Variants in CEP290 observed in about 807,000 individuals in gnomAD.
CEP290 encodes the protein centrosomal protein of 290 kDa.
CEP290 carries 317 observed loss-of-function variants against 344.9 expected under a neutral mutation model. The observed-to-expected ratio is 0.92, with a 90% CI of 0.84 to 1.01. The LOEUF (loss-of-function observed/expected upper bound fraction) is 1.01. Among genes scored for constraint, CEP290 ranks in the 50% least tolerant of loss-of-function variants. The pLI is 0.00. For missense variants in CEP290, 2,754 were observed against 2,761.4 expected, an observed-to-expected ratio of 1.00 and a Z score of 0.06; for synonymous variants, 932 against 895.8, an observed-to-expected ratio of 1.04 and a Z score of -0.72.
At chr12:88,107,817 A>G (rs956221089) in intron 23 of CEP290, among the ~76,000 whole-genome samples, 7 of 151,720 alleles carry the variant, frequency 4.6e-5, no homozygotes, top group African/African-American at 1.7e-4. Flanking sequence ...CAAGAAAATA[A>G]CTTGGACCCA....
intron 27 of CEP290, among the ~76,000 whole-genome samples, chr12:88,096,330 G>C (rs1347063327): frequency 6.6e-6 from 1 of 152,016 alleles, no homozygotes; most frequent in African/African-American, 2.4e-5. Context: ...TTACAGGTGT[G>C]AGCCACTGCG....
In CEP290 at chr12:88,083,242, G is replaced by A. The variant is rs746872429; in HGVS notation, c.4813-12C>T. On this transcript the variant is annotated splice_polypyrimidine_tract_variant and intron_variant, in intron 36 of 53. Transcript: ENST00000552810. ...TGTTTCATTAAATCCTATAAAATATGAATATATTAGCAATAGGCATGTATA... is the reference window on the plus strand; with the variant it reads ...TGTTTCATTAAATCCTATAAAATATAAATATATTAGCAATAGGCATGTATA... The A allele has an allele frequency of 4.3e-6, 6 of 1,392,158 alleles. No homozygotes were observed. Among genetic ancestry groups the A allele is most frequent in the South Asian group, 1.6e-5 (1 of 61,376 alleles). The allele number at this position is 1,392,158 out of a possible 1,614,324, so 86.2% of individuals were successfully genotyped here.
rs144023799 is a variant in CEP290, at chr12:88,064,238, C to T, written c.6136-123G>A. The T allele has an allele frequency of 9.3e-4, 739 of 793,904 alleles. 4 individuals are homozygous for T. The African/African-American group carries it at 0.011, about 12-fold the overall frequency. The allele number at this position is 793,904 out of a possible 1,614,324, so 49.2% of individuals were successfully genotyped here. On this transcript the variant is annotated intron_variant, in intron 44 of 53. Coordinates refer to ENST00000552810, the MANE Select transcript of CEP290 (RefSeq NM_025114.4). ...TTTCCTCAAAGGAATATGAGAAAAT[C>T]GGAGTGTTCTGGTGAAAGCCAAAAA... is the stretch of plus-strand genomic sequence containing the variant.
chr12:88,049,353 A>G lies in CEP290; in HGVS notation c.7271T>C (p.Ile2424Thr), dbSNP rs776986318. The change falls in exon 54 of 54, where the codon ATT (isoleucine) becomes ACT (threonine). Residue 2424 changes from isoleucine to threonine, a missense_variant. Physicochemically the swap from Ile to Thr is moderately conservative, Grantham distance 89 (BLOSUM62 -1). Transcript: ENST00000552810. Reference sequence around the variant, plus strand: ...CTTGTAATTATACTTAAGATCTTCAATTTCTTCAAAAAATGAAGGATCAAA... The same window carrying G: ...CTTGTAATTATACTTAAGATCTTCAGTTTCTTCAAAAAATGAAGGATCAAA... ...ENFDPSFFEE[I>T]EDLKYNYKEE... is the part of the protein sequence containing the mutation. 2 of 1,572,880 alleles carry G rather than the reference A, an allele frequency of 1.3e-6. No individual in the cohort carries two copies. The highest frequency in any genetic ancestry group is 1.2e-5 in the South Asian group (1 of 85,274).
chr12:88,079,009 C>T (rs1264784758), intron 39 of CEP290, 83 bp downstream of exon 39: 1 of 1,253,250 alleles, frequency 8.0e-7, no homozygotes, highest in Non-Finnish European at 1.1e-6. Context: ...TATTCATCAA[C>T]AAAATTACTA....
In CEP290 at chr12:88,102,950, G is replaced by A; in HGVS notation, c.2879C>T (p.Ser960Phe). Reference sequence around the variant, plus strand: ...CTGTTTATTAGCCAGTTCTAGTTCAGACAAAGAAACACTATTATCTACAAC... The same window carrying A: ...CTGTTTATTAGCCAGTTCTAGTTCAAACAAAGAAACACTATTATCTACAAC... ...QKVVDNSVSL[S>F]ELELANKQYN... is the part of the protein sequence containing the mutation. Residue 960 changes from serine (S) to phenylalanine (F), a missense_variant, in exon 26 of 54, where the codon TCT becomes TTT. Physicochemically the swap from Ser to Phe is radical, Grantham distance 155 (BLOSUM62 -2). Coordinates refer to ENST00000552810, the MANE Select transcript of CEP290 (RefSeq NM_025114.4). 1 of 1,596,724 alleles carries A rather than the reference G, an allele frequency of 6.3e-7. No homozygotes were observed.
intron 11 of CEP290, among the ~76,000 whole-genome samples, chr12:88,127,875 A>G (rs1280109789): frequency 6.6e-6 from 1 of 152,208 alleles, no homozygotes; most frequent in Non-Finnish European, 1.5e-5. Flanking sequence ...AGCCTTTAAA[A>G]AGAACAGCAA....
chr12:88,073,114 T>C (rs2035506616), intron 41 of CEP290, among the ~76,000 whole-genome samples: 1 of 152,198 alleles, frequency 6.6e-6, no homozygotes, highest in Admixed American at 6.5e-5. Flanking sequence ...CTGCTTACAC[T>C]GGTCTGAGCT....
chr12:88,061,484 A>G (rs1025378728), intron 46 of CEP290, among the ~76,000 whole-genome samples: 1 of 152,228 alleles, frequency 6.6e-6, no homozygotes, highest in Non-Finnish European at 1.5e-5. Context: ...GTTATCTGAA[A>G]TAAAAAACCT....
intron 27 of CEP290, among the ~76,000 whole-genome samples, chr12:88,095,034 A>G (rs1489435065): frequency 6.6e-6 from 1 of 152,186 alleles, no homozygotes; most frequent in Non-Finnish European, 1.5e-5. Context: ...TCAAGTAACT[A>G]ACAATAATGG....
chr12:88,106,844 C>T lies in CEP290; in HGVS notation c.2648G>A (p.Ser883Asn). ...DEMKKILAEN[S>N]RKITVLQVNE... The stretch of plus-strand genomic sequence containing the variant: ...CACTTGCAAAACAGTAATTTTCCTA[C>T]TATTTTCTGCAAGTATTTTTTTCAT... Residue 883 changes from serine to asparagine, a missense_variant, in exon 25 of 54, where the codon AGT becomes AAT. Ser to Asn is a conservative substitution (Grantham distance 46). Coordinates refer to ENST00000552810, the MANE Select transcript of CEP290 (RefSeq NM_025114.4). 6.2e-7 allele frequency: 1 copy of T among 1,607,968 alleles called. No homozygotes were observed. Among genetic ancestry groups the T allele is most frequent in the Non-Finnish European group, 8.5e-7 (1 of 1,176,834 alleles).
Position 88,064,024 on chromosome 12 carries a change from T to G in CEP290, c.6227A>C (p.Lys2076Thr), listed in dbSNP as rs1392435736. 6.3e-7 allele frequency: 1 copy of G among 1,598,952 alleles called. No homozygotes were observed. The highest frequency in any genetic ancestry group is 1.1e-5 in the South Asian group (1 of 87,950). The change falls in exon 45 of 54, where the codon AAA becomes ACA. Residue 2076 changes from lysine to threonine, a missense_variant. By Grantham distance (78) the Lys-to-Thr change is moderately conservative. Transcript: ENST00000552810. ...TTTATTTGCTTGTTCAAGCTGAAAT[T>G]TCAGTTCAATATTTTCAGATGACAA... ...LKLSSENIEL[K>T]FQLEQANKDL...
intron 18 of CEP290, chr12:88,116,082 T>C (rs1199163086): frequency 1.0e-6 from 1 of 984,774 alleles, no homozygotes; most frequent in Non-Finnish European, 1.2e-6. Flanking sequence ...TGATAACTTC[T>C]GCATTATGTC....
rs774072453 is a variant in CEP290, at chr12:88,126,418, A to T, written c.963T>A (p.Asp321Glu). 87 of 1,509,276 alleles carry T rather than the reference A, an allele frequency of 5.8e-5. No individual in the cohort carries two copies. In the Middle Eastern group the frequency reaches 1.0e-3, roughly 18 times the overall value. 93.5% of individuals were successfully genotyped at this position (1,509,276 alleles called of 1,614,324 possible). Residue 321 changes from aspartate (D) to glutamate (E), a missense_variant, in exon 12 of 54, where the codon GAT becomes GAA. Physicochemically the swap from Asp to Glu is conservative, Grantham distance 45. Coordinates refer to ENST00000552810, the MANE Select transcript of CEP290 (RefSeq NM_025114.4). ...EEWKLILSSK[D>E]DEIIEYQQML... ...TTTGCTGATACTCAATAATTTCATC[A>T]TCTTTAGAAGACAAAATTAGCTAGA... is the stretch of plus-strand genomic sequence containing the variant.
rs780321768 is a variant in CEP290, at chr12:88,080,318, G to T, written c.5090C>A (p.Ser1697Ter). ...VEDLKYLLDQ[S>*]QKESQCLKSE... ...TTTTAAACACTGTGACTCCTTTTGT[G>T]ACTGGTCCAGAAGATACTTTAAATC... The change falls in exon 38 of 54, where the codon TCA (serine) becomes TAA (stop). Residue 1697 changes from serine to a stop codon, truncating the protein, a stop_gained. Transcript: ENST00000552810. LOFTEE classifies it high-confidence loss of function. 1.9e-6 allele frequency: 3 copies of T among 1,613,632 alleles called. No individual in the cohort carries two copies. The South Asian group carries it at 3.3e-5, about 18-fold the overall frequency.
chr12:88,089,014 T>G lies in CEP290; in HGVS notation c.4029+18A>C. 1 of 1,455,694 alleles carries G rather than the reference T, an allele frequency of 6.9e-7. No homozygotes were observed. The highest frequency in any genetic ancestry group is 9.2e-7 in the Non-Finnish European group (1 of 1,092,460). 90.2% of individuals were successfully genotyped at this position (1,455,694 alleles called of 1,614,324 possible). A position where few individuals can be genotyped will look rare whatever the true frequency, so the allele number is the denominator to read the frequency against. ...AGATACTGTCTCTTAAAAAAAAAAA[T>G]CAAGTTTAAATGTTTACCTTTTGGG... On this transcript the variant is annotated intron_variant, in intron 31 of 53. Coordinates refer to ENST00000552810, the MANE Select transcript of CEP290 (RefSeq NM_025114.4).
intron 15 of CEP290, 98 bp downstream of exon 15, chr12:88,120,016 T>A: frequency 1.4e-6 from 1 of 693,186 alleles, no homozygotes; most frequent in Non-Finnish European, 2.2e-6. Flanking sequence ...GAAAAAAGCA[T>A]TAAACTACTT....
At chr12:88,088,032 T>G (rs1276446257) in intron 31 of CEP290, 88 bp from the exon 32 acceptor site, 2 of 478,914 alleles carry the variant, frequency 4.2e-6, no homozygotes, top group East Asian at 7.3e-5. Context: ...TAATTGAAAG[T>G]AATGGCCATT....
intron 45 of CEP290, among the ~76,000 whole-genome samples, chr12:88,063,350 T>G (rs910028425): frequency 1.3e-5 from 2 of 151,980 alleles, no homozygotes; most frequent in African/African-American, 2.4e-5. Context: ...AGGGTAAGAC[T>G]TGGAAAACCA....
Sources: allele counts gnomAD v4.1 joint callset (sites outside exome capture counted in the v4.1 genomes callset), GRCh38; gene constraint gnomAD v4.1.1; transcripts MANE v1.5; gene names NCBI Gene and HGNC (gene_info 2026-07-23, HGNC 2026-07-21).